The following LBP variants were observed in gnomAD, a reference collection of about 807,000 sequenced individuals.
The protein encoded by LBP is lipopolysaccharide binding protein.
LBP carries 53 observed loss-of-function variants against 56.6 expected under a neutral mutation model. The ratio of observed to expected loss-of-function variants is 0.94; its 90% CI spans 0.75 to 1.18. LBP has a LOEUF of 1.18. Ranked by LOEUF, LBP falls within the 50% of genes most tolerant of loss-of-function variation. LBP has a pLI of 0.00. For synonymous variants in LBP, 227 were observed against 247.5 expected (o/e 0.92, Z 0.78); for missense variants, 601 against 598.3 (o/e 1.00, Z -0.05).
intron 2 of LBP, among the ~76,000 whole-genome samples, chr20:38,350,472 T>C (rs2076816516): frequency 6.6e-6 from 1 of 152,196 alleles, no homozygotes; most frequent in East Asian, 1.9e-4. Flanking sequence ...GGGATATGTC[T>C]ACGGACCTTC....
At chr20:38,363,052 G>A (rs1306274168) in intron 6 of LBP, among the ~76,000 whole-genome samples, 1 of 152,192 alleles carries the variant, frequency 6.6e-6, no homozygotes, top group African/African-American at 2.4e-5. Context: ...TCACCATGTA[G>A]ATGTTTCCCC....
chr20:38,350,996 C>T (rs1481903875), intron 3 of LBP, 57 bp downstream of exon 3: 1 of 1,588,098 alleles, frequency 6.3e-7, no homozygotes, highest in African/African-American at 1.3e-5. Context: ...TCGCCCCATC[C>T]TTCTTAGGTC....
At chr20:38,350,261 G>C (rs1021411818) in intron 2 of LBP, among the ~76,000 whole-genome samples, 2 of 152,148 alleles carry the variant, frequency 1.3e-5, no homozygotes, top group African/African-American at 2.4e-5. Flanking sequence ...CTTTTATTCA[G>C]TCCATCAGCA....
intron 8 of LBP, among the ~76,000 whole-genome samples, chr20:38,366,013 G>A (rs2076880542): frequency 6.6e-6 from 1 of 152,122 alleles, no homozygotes; most frequent in Non-Finnish European, 1.5e-5. Flanking sequence ...GTATAAGGGA[G>A]ACTGAATTTT....
Position 38,376,717 on chromosome 20 carries a change from C to A in LBP, c.*48C>A. ...AGGTCACAGCTGGATCTGCTTGTTG[C>A]ATTTCCAGCTGTGCAGCACGTCTCA... On this transcript the variant is annotated 3_prime_UTR_variant, in exon 15 of 15. Coordinates refer to ENST00000217407, the MANE Select transcript of LBP (RefSeq NM_004139.5). 1 of 1,532,504 alleles carries A rather than the reference C, an allele frequency of 6.5e-7. No individual in the cohort carries two copies. Among genetic ancestry groups the A allele is most frequent in the Non-Finnish European group, 9.0e-7 (1 of 1,106,076 alleles). The allele number at this position is 1,532,504 out of a possible 1,614,324, so 94.9% of individuals were successfully genotyped here.
In LBP at chr20:38,376,737, G is replaced by C. The variant is rs1321822486; in HGVS notation, c.*68G>C. The C allele has an allele frequency of 1.4e-6, 2 of 1,436,468 alleles. No homozygotes were observed. Among genetic ancestry groups the C allele is most frequent in the African/African-American group, 2.8e-5 (2 of 71,248 alleles). The allele number at this position is 1,436,468 out of a possible 1,614,324, so 89.0% of individuals were successfully genotyped here. A position where few individuals can be genotyped will look rare whatever the true frequency, so the allele number is the denominator to read the frequency against. On this transcript the variant is annotated 3_prime_UTR_variant, in exon 15 of 15. Transcript: ENST00000217407. ...TGTTGCATTTCCAGCTGTGCAGCAC[G>C]TCTCAGAGATTCTTGAAGAATGAAG...
intron 5 of LBP, among the ~76,000 whole-genome samples, chr20:38,356,860 C>T (rs116743201): frequency 0.064 from 9,672 of 150,930 alleles, 953 homozygotes; most frequent in African/African-American, 0.22. Flanking sequence ...CTGGATCTCT[C>T]TTTTTTTTTA....
chr20:38,376,449 G>T (rs912723734), intron 14 of LBP, among the ~76,000 whole-genome samples, 176 bp from the exon 15 acceptor site: 2 of 152,188 alleles, frequency 1.3e-5, no homozygotes, highest in African/African-American at 4.8e-5. Context: ...AGGTAGCTGG[G>T]AAGAGCTGTG....
chr20:38,347,821 T>C (rs1374938395), intron 1 of LBP, among the ~76,000 whole-genome samples: 3 of 152,086 alleles, frequency 2.0e-5, no homozygotes, highest in African/African-American at 7.2e-5. Context: ...TGTCACTCAC[T>C]GGAAAGACTC....
intron 9 of LBP, among the ~76,000 whole-genome samples, chr20:38,368,297 G>A (rs1010963141): frequency 6.6e-5 from 10 of 151,948 alleles, no homozygotes; most frequent in Non-Finnish European, 1.0e-4. Context: ...AATACCTGCC[G>A]AAAGTTTTAA....
In LBP at chr20:38,364,677, G is replaced by T. The variant is rs566117958; in HGVS notation, c.846G>T (p.Ser282=). ...EHNKMVYFAI[S]DYVFNTASLV... ...ACAAAATGGTCTACTTTGCCATCTCGGATTATGTCTTCAACACGGCCAGCC... is the reference window on the plus strand; with the variant it reads ...ACAAAATGGTCTACTTTGCCATCTCTGATTATGTCTTCAACACGGCCAGCC... Residue 282 remains serine, a synonymous_variant, in exon 8 of 15, where the codon TCG becomes TCT. Transcript: ENST00000217407. 1.2e-6 allele frequency: 2 copies of T among 1,613,988 alleles called. No individual in the cohort carries two copies. The highest frequency in any genetic ancestry group is 8.5e-7 in the Non-Finnish European group (1 of 1,179,998).
At chr20:38,351,817 T>A (rs550340661) in intron 3 of LBP, among the ~76,000 whole-genome samples, 6 of 151,962 alleles carry the variant, frequency 3.9e-5, no homozygotes, top group Non-Finnish European at 8.8e-5. Flanking sequence ...GGTCAGGAGT[T>A]CAAGACCAGC....
chr20:38,376,199 G>T (rs2083957541), intron 14 of LBP, among the ~76,000 whole-genome samples: 1 of 152,146 alleles, frequency 6.6e-6, no homozygotes, highest in African/African-American at 2.4e-5. Context: ...CTGCCCATGT[G>T]TCTAACCGTC....
At chr20:38,354,240 C>A (rs368501201) in intron 3 of LBP, 44 bp from the exon 4 acceptor site, 6 of 1,563,292 alleles carry the variant, frequency 3.8e-6, no homozygotes, top group Non-Finnish European at 5.2e-6. Context: ...TGGTGGCAGA[C>A]CCCTGGTCTA....
intron 5 of LBP, 43 bp downstream of exon 5, chr20:38,355,452 G>C (rs758387933): frequency 6.4e-7 from 1 of 1,561,084 alleles, no homozygotes; most frequent in East Asian, 2.2e-5. Flanking sequence ...GCTTGGCGAG[G>C]GCTGAATGGA....
chr20:38,361,629 T>C (rs1205888147), intron 6 of LBP, among the ~76,000 whole-genome samples: 1 of 152,066 alleles, frequency 6.6e-6, no homozygotes, highest in Non-Finnish European at 1.5e-5. Context: ...GGTCTCGAAC[T>C]CCTGGGCTCA....
intron 1 of LBP, among the ~76,000 whole-genome samples, chr20:38,347,361 T>A (rs1032518495): frequency 1.3e-5 from 2 of 151,654 alleles, no homozygotes; most frequent in African/African-American, 4.8e-5. Context: ...CTGGCCAACA[T>A]GGTGAAGCCT....
intron 6 of LBP, among the ~76,000 whole-genome samples, chr20:38,361,445 C>T (rs1241709040): frequency 6.6e-6 from 1 of 151,980 alleles, no homozygotes; most frequent in African/African-American, 2.4e-5. Context: ...CACTCTGTGT[C>T]CCAGGCTGGA....
chr20:38,350,496 G>A (rs773999731), intron 2 of LBP, among the ~76,000 whole-genome samples: 8 of 152,230 alleles, frequency 5.3e-5, no homozygotes, highest in South Asian at 2.1e-4. Context: ...GGATGCCACC[G>A]GGGGTCATTA....
Sources: allele counts gnomAD v4.1 joint callset (sites outside exome capture counted in the v4.1 genomes callset), GRCh38; gene constraint gnomAD v4.1.1; transcripts MANE v1.5; gene names NCBI Gene and HGNC (gene_info 2026-07-23, HGNC 2026-07-21).